The following ZNF429 variants were observed in gnomAD, a reference collection of about 807,000 sequenced individuals.
ZNF429 encodes the protein zinc finger protein 429.
In ZNF429, 53 loss-of-function variants were observed where a neutral mutation model predicts 56.8. The observed-to-expected ratio is 0.93, with a 90% CI of 0.75 to 1.17. The LOEUF is 1.17. Ranked by LOEUF, ZNF429 falls within the 50% of genes most tolerant of loss-of-function variation. ZNF429 has a pLI of 0.00. For synonymous variants in ZNF429, 278 were observed against 264.7 expected, an observed-to-expected ratio of 1.05 and a Z score of -0.49; for missense variants, 849 against 788.4, an observed-to-expected ratio of 1.08 and a Z score of -0.92.
chr19:21,525,786 A>T (rs994968206), intron 1 of ZNF429, among the ~76,000 whole-genome samples: 2 of 7,320 alleles, frequency 2.7e-4, no homozygotes, highest in Non-Finnish European at 9.0e-4. Context: ...TAAACTCTTA[A>T]TTTCTGTATT....
chr19:21,540,403 A>AT lies in ZNF429; in HGVS notation c.*2332dup, dbSNP rs909629238. Reference sequence around the variant, plus strand: ...TTTTTGATATTTAAATTTTTTTCTTATTTTTTTGTGGGTACATAATATGTG... The same window carrying AT: ...TTTTTGATATTTAAATTTTTTTCTTATTTTTTTTGTGGGTACATAATATGTG... On this transcript the variant is annotated 3_prime_UTR_variant, in exon 4 of 4. Transcript: ENST00000358491. 2.6e-5 allele frequency among the ~76,000 whole-genome samples: 4 copies of AT among 151,900 alleles called. No homozygotes were observed. Among genetic ancestry groups the AT allele is most frequent in the Admixed American group, 2.0e-4 (3 of 15,230 alleles).
At position 21,511,109 on chromosome 19, in the gene ZNF429, C is replaced by T. The variant is rs578066168; in HGVS notation, c.3+5335C>T. Reference sequence around the variant, plus strand: ...TGAGCTGTTGGGTACACCTCCCAGACGGGGTGGTGGCCGGGCAGAGGGGCT... The same window carrying T: ...TGAGCTGTTGGGTACACCTCCCAGATGGGGTGGTGGCCGGGCAGAGGGGCT... On this transcript the variant is annotated intron_variant, in intron 1 of 3. Transcript: ENST00000358491. Among the ~76,000 whole-genome samples, 724 of 152,362 alleles carry T rather than the reference C, an allele frequency of 4.8e-3. 5 individuals carry two copies. Among genetic ancestry groups the T allele is most frequent in the African/African-American group, 0.01 (425 of 41,590 alleles).
intron 1 of ZNF429, chr19:21,507,614 G>A (rs2032241672): frequency 6.6e-6 from 1 of 152,062 alleles, no homozygotes; most frequent in Non-Finnish European, 1.5e-5. Flanking sequence ...TTTTTTTCCT[G>A]GTCCTGGGTT....
intron 1 of ZNF429, among the ~76,000 whole-genome samples, chr19:21,528,212 C>T (rs1243284554): frequency 6.6e-6 from 1 of 152,108 alleles, no homozygotes; most frequent in Admixed American, 6.6e-5. Flanking sequence ...GGTGGGGGTC[C>T]TCAGTAAAGA....
chr19:21,537,910 AC>A lies in ZNF429; in HGVS notation c.1859del (p.Pro620LeufsTer64). On this transcript the variant is annotated frameshift_variant, in exon 4 of 4. Coordinates refer to ENST00000358491, the MANE Select transcript of ZNF429 (RefSeq NM_001001415.4). LOFTEE classifies it high-confidence loss of function. ...QHKKIHTREKPYKCEECAKAF... is the reference protein window; with the variant it reads ...QHKKIHTREKXYKCEECAKAF... ...ATAAGAAAATTCATACTAGAGAGAA[AC>A]CTTACAAATGTGAAGAATGTGCCAA... The A allele has an allele frequency of 4.3e-6, 7 of 1,613,990 alleles. No individual in the cohort carries two copies. The highest frequency in any genetic ancestry group is 5.1e-6 in the Non-Finnish European group (6 of 1,179,970).
At chr19:21,509,385 G>A (rs2032345589) in intron 1 of ZNF429, among the ~76,000 whole-genome samples, 1 of 152,192 alleles carries the variant, frequency 6.6e-6, no homozygotes, top group Admixed American at 6.5e-5. Context: ...GGTATGAAAT[G>A]TAAGCATTGT....
At chr19:21,535,411 C>CT in intron 3 of ZNF429, among the ~76,000 whole-genome samples, 1 of 38,426 alleles carries the variant, frequency 2.6e-5, no homozygotes, top group African/African-American at 1.5e-4. Flanking sequence ...CTTTCTTTTT[C>CT]TTTTCTTTCT....
At chr19:21,513,398 T>A (rs1405178044) in intron 1 of ZNF429, among the ~76,000 whole-genome samples, 2 of 152,194 alleles carry the variant, frequency 1.3e-5, no homozygotes, top group Non-Finnish European at 2.9e-5. Context: ...TCTGAGTAGC[T>A]CTGTCCAATT....
chr19:21,509,945 G>A (rs1013552310), intron 1 of ZNF429, among the ~76,000 whole-genome samples: 30 of 147,362 alleles, frequency 2.0e-4, no homozygotes, highest in African/African-American at 7.5e-4. Context: ...TCTTGCTCTT[G>A]TTGCCCAGGC....
Position 21,536,666 on chromosome 19 carries a change from GA to G in ZNF429, c.615del (p.Glu205AspfsTer101). 2.5e-6 allele frequency: 4 copies of G among 1,614,034 alleles called. No homozygotes were observed. Among genetic ancestry groups the G allele is most frequent in the Non-Finnish European group, 3.4e-6 (4 of 1,179,948 alleles). On this transcript the variant is annotated frameshift_variant, in exon 4 of 4. Coordinates refer to ENST00000358491, the MANE Select transcript of ZNF429 (RefSeq NM_001001415.4). LOFTEE classifies it high-confidence loss of function. The part of the protein sequence containing the change: ...HIRENTYRCK[E>X]FGNAFNQSSA... ...TAGAGAGAATACCTACAGATGTAAA[GA>G]ATTTGGCAATGCCTTTAATCAGTCC...
chr19:21,515,474 T>G (rs1199842756), intron 1 of ZNF429, among the ~76,000 whole-genome samples: 2 of 152,110 alleles, frequency 1.3e-5, no homozygotes, highest in East Asian at 3.8e-4. Context: ...TCCTTTTGAA[T>G]TCTGGATATT....
In ZNF429 at chr19:21,536,413, A is replaced by G; in HGVS notation, c.360A>G (p.Val120=). The G allele has an allele frequency of 6.2e-7, 1 of 1,613,936 alleles. No homozygotes were observed. Among genetic ancestry groups the G allele is most frequent in the Non-Finnish European group, 8.5e-7 (1 of 1,179,928 alleles). The change falls in exon 4 of 4, where the codon GTA becomes GTG. Residue 120 remains valine (V), a synonymous_variant. Coordinates refer to ENST00000358491, the MANE Select transcript of ZNF429 (RefSeq NM_001001415.4). Reference sequence around the variant, plus strand: ...AATTAAGAAAAGGCTATAAAACTGTAGGTGATTGTAAGCTATACAAAGGAG... The same window carrying G: ...AATTAAGAAAAGGCTATAAAACTGTGGGTGATTGTAAGCTATACAAAGGAG... ...NLQLRKGYKT[V]GDCKLYKGGY... is the part of the protein sequence containing the mutation.
At chr19:21,518,271 C>A (rs2032844550) in intron 1 of ZNF429, among the ~76,000 whole-genome samples, 1 of 152,198 alleles carries the variant, frequency 6.6e-6, no homozygotes, top group Non-Finnish European at 1.5e-5. Context: ...CTGGTTTGCT[C>A]TTGCTTCTCT....
Position 21,538,607 on chromosome 19 carries a change from T to C in ZNF429, c.*529T>C, listed in dbSNP as rs752100499. 1 of 151,946 alleles carries C rather than the reference T, an allele frequency of 6.6e-6. No homozygotes were observed. The highest frequency in any genetic ancestry group is 6.6e-5 in the Admixed American group (1 of 15,238). The allele number at this position is 151,946 out of a possible 1,614,324, so 9.4% of individuals were successfully genotyped here. On this transcript the variant is annotated 3_prime_UTR_variant, in exon 4 of 4. Coordinates refer to ENST00000358491, the MANE Select transcript of ZNF429 (RefSeq NM_001001415.4). ...AAAACAAGACTCTGTCTAAAAAATA[T>C]ATAAATAAATAAAAGAAAGAAAATT...
chr19:21,531,760 C>T, intron 3 of ZNF429, among the ~76,000 whole-genome samples: 30 of 150,240 alleles, frequency 2.0e-4, no homozygotes, highest in African/African-American at 6.4e-4. Flanking sequence ...GAGCCAAGCT[C>T]ATGCCACTGC....
At chr19:21,508,262 A>G (rs1419793167) in intron 1 of ZNF429, among the ~76,000 whole-genome samples, 3 of 151,342 alleles carry the variant, frequency 2.0e-5, no homozygotes, top group African/African-American at 7.3e-5. Context: ...AAAAAAGGTG[A>G]TATCTCAAAA....
In ZNF429 at chr19:21,530,545, C is replaced by T; in HGVS notation, c.131-44C>T. ...GAGCACATTACTAAATTGGTAATTA[C>T]AGAATATAAGCAAGATTCATCTTCT... is the stretch of plus-strand genomic sequence containing the variant. On this transcript the variant is annotated intron_variant, in intron 2 of 3. Transcript: ENST00000358491. 9 of 1,426,340 alleles carry T rather than the reference C, an allele frequency of 6.3e-6. 1 individual carries two copies. The East Asian group carries it at 1.2e-4, about 19-fold the overall frequency. The allele number at this position is 1,426,340 out of a possible 1,614,324, so 88.4% of individuals were successfully genotyped here. A position where few individuals can be genotyped will look rare whatever the true frequency, so the allele number is the denominator to read the frequency against.
intron 1 of ZNF429, among the ~76,000 whole-genome samples, chr19:21,512,856 TAGAG>T (rs2032564957): frequency 6.6e-6 from 1 of 151,838 alleles, no homozygotes; most frequent in African/African-American, 2.4e-5. Flanking sequence ...CAGGTAAGAA[TAGAG>T]AGCACCATCT....
At position 21,536,178 on chromosome 19, in the gene ZNF429, G is replaced by C; in HGVS notation, c.227-102G>C. ...TTAGAATCTGGTATTTTGCTATGCTGTGTTGCTTACGTAGTTTTTATAACT... is the reference window on the plus strand; with the variant it reads ...TTAGAATCTGGTATTTTGCTATGCTCTGTTGCTTACGTAGTTTTTATAACT... On this transcript the variant is annotated intron_variant, in intron 3 of 3. Transcript: ENST00000358491. 9 of 1,221,186 alleles carry C rather than the reference G, an allele frequency of 7.4e-6. No homozygotes were observed. In the South Asian group the frequency reaches 1.5e-4, roughly 20 times the overall value. The allele number at this position is 1,221,186 out of a possible 1,614,324, so 75.6% of individuals were successfully genotyped here. A position where few individuals can be genotyped will look rare whatever the true frequency, so the allele number is the denominator to read the frequency against.
Sources: gnomAD v4.1 joint callset for allele counts (sites outside exome capture counted in the v4.1 genomes callset) on GRCh38, gnomAD v4.1.1 for gene constraint, MANE v1.5 for transcripts, NCBI Gene and HGNC (gene_info 2026-07-23, HGNC 2026-07-21) for gene names.